The following RAPGEF4 variants were observed in gnomAD, a reference collection of about 807,000 sequenced individuals.
RAPGEF4 encodes RAP guanine-nucleotide-exchange factor (GEF) 4.
RAPGEF4 carries 66 observed loss-of-function variants against 147.9 expected under a neutral mutation model. That is an observed-to-expected ratio of 0.45 (90% CI 0.37 to 0.55). The LOEUF (loss-of-function observed/expected upper bound fraction) is 0.55. Among genes scored for constraint, RAPGEF4 ranks in the 20% least tolerant of loss-of-function variants. The pLI, the probability that RAPGEF4 is intolerant of heterozygous loss-of-function variation, is 0.00. For synonymous variants in RAPGEF4, 419 were observed against 442.7 expected, an observed-to-expected ratio of 0.95 and a Z score of 0.67; for missense variants, 1,071 against 1,257.3, an observed-to-expected ratio of 0.85 and a Z score of 2.24.
intron 15 of RAPGEF4, among the ~76,000 whole-genome samples, chr2:172,992,111 T>C (rs1002268924): frequency 1.3e-5 from 2 of 152,164 alleles, no homozygotes; most frequent in African/African-American, 4.8e-5. Context: ...TAACAAAATA[T>C]AGTAGATAAG....
At chr2:172,986,850 C>T (rs918798435) in intron 12 of RAPGEF4, among the ~76,000 whole-genome samples, 2 of 152,168 alleles carry the variant, frequency 1.3e-5, no homozygotes, top group South Asian at 2.1e-4. Context: ...TGTGCCACCA[C>T]GCCCAGCTAA....
At chr2:173,051,582 T>A in intron 30 of RAPGEF4, 58 bp from the exon 31 acceptor site, 1 of 1,529,828 alleles carries the variant, frequency 6.5e-7, no homozygotes, top group Non-Finnish European at 8.9e-7. Flanking sequence ...AGAAGTAAGA[T>A]TGTATCTTAT....
chr2:172,881,281 A>G (rs1032168451), intron 4 of RAPGEF4, among the ~76,000 whole-genome samples: 2 of 152,110 alleles, frequency 1.3e-5, no homozygotes, highest in Admixed American at 6.6e-5. Flanking sequence ...TGCTCTTGGG[A>G]ATCAGACTAC....
At chr2:172,856,706 G>A (rs970790762) in intron 4 of RAPGEF4, among the ~76,000 whole-genome samples, 3 of 152,106 alleles carry the variant, frequency 2.0e-5, no homozygotes, top group African/African-American at 7.2e-5. Flanking sequence ...ATAGTACTGG[G>A]ATCAGTCAGA....
At chr2:172,881,310 G>A (rs1312090020) in intron 4 of RAPGEF4, among the ~76,000 whole-genome samples, 1 of 152,170 alleles carries the variant, frequency 6.6e-6, no homozygotes, top group Non-Finnish European at 1.5e-5. Context: ...TTATAATTGT[G>A]TAGAAATAAG....
At chr2:172,970,950 G>A (rs1294889575) in intron 10 of RAPGEF4, among the ~76,000 whole-genome samples, 3 of 152,164 alleles carry the variant, frequency 2.0e-5, no homozygotes, top group South Asian at 2.1e-4. Context: ...ACAGTTTGAC[G>A]GTGCTGTTGT....
chr2:172,905,601 A>G (rs1488472042), intron 4 of RAPGEF4, among the ~76,000 whole-genome samples: 7 of 152,202 alleles, frequency 4.6e-5, no homozygotes, highest in Non-Finnish European at 8.8e-5. Flanking sequence ...GCTCGCTTGT[A>G]GTGTCATCCC....
At chr2:172,982,931 T>C (rs1311244437) in intron 10 of RAPGEF4, among the ~76,000 whole-genome samples, 1 of 152,212 alleles carries the variant, frequency 6.6e-6, no homozygotes, top group African/African-American at 2.4e-5. Flanking sequence ...CTTCATCTCA[T>C]GCCCTTATCT....
intron 22 of RAPGEF4, 84 bp from the exon 23 acceptor site, chr2:173,020,534 C>A: frequency 9.4e-7 from 1 of 1,066,966 alleles, no homozygotes; most frequent in Non-Finnish European, 1.5e-6. Context: ...ATTCACCAAG[C>A]TGGCAATTTG....
rs749611619 is a variant in RAPGEF4, at chr2:173,018,680, A to C, written c.2033A>C (p.Asp678Ala). 9 of 1,614,102 alleles carry C rather than the reference A, an allele frequency of 5.6e-6. No individual in the cohort carries two copies. The highest frequency in any genetic ancestry group is 3.3e-5 in the Admixed American group (2 of 60,018). Residue 678 changes from aspartate (D) to alanine (A), a missense_variant, in exon 22 of 31, where the codon GAC (aspartate) becomes GCC (alanine). By Grantham distance (126) the Asp-to-Ala change is moderately radical. Coordinates refer to ENST00000397081, the MANE Select transcript of RAPGEF4 (RefSeq NM_007023.4). ...DEVLFKVYCM[D>A]HTYTTIRVPV... ...GTTCTGTTTAAGGTCTATTGCATGG[A>C]CCACACCTACACAACCATTCGGGTG... is the stretch of plus-strand genomic sequence containing the variant.
At chr2:172,892,408 G>C (rs1256553275) in intron 4 of RAPGEF4, among the ~76,000 whole-genome samples, 3 of 152,146 alleles carry the variant, frequency 2.0e-5, no homozygotes, top group Non-Finnish European at 4.4e-5. Flanking sequence ...AGCTGCCACT[G>C]TGACAGACAG....
Position 173,017,336 on chromosome 2 carries a change from C to A in RAPGEF4, c.1930-90C>A, listed in dbSNP as rs997563886. The A allele has an allele frequency of 5.4e-6, 8 of 1,486,524 alleles. No individual in the cohort carries two copies. In the African/African-American group the frequency reaches 9.7e-5, roughly 18 times the overall value. The allele number at this position is 1,486,524 out of a possible 1,614,324, so 92.1% of individuals were successfully genotyped here. A position where few individuals can be genotyped will look rare whatever the true frequency, so the allele number is the denominator to read the frequency against. On this transcript the variant is annotated intron_variant, in intron 20 of 30. Coordinates refer to ENST00000397081, the MANE Select transcript of RAPGEF4 (RefSeq NM_007023.4). ...GAAATATATTGTCTTCATTTCTTGACTCTGCTTGCTTCTCAGATGTGTCTT... is the reference window on the plus strand; with the variant it reads ...GAAATATATTGTCTTCATTTCTTGAATCTGCTTGCTTCTCAGATGTGTCTT...
intron 4 of RAPGEF4, among the ~76,000 whole-genome samples, chr2:172,868,808 C>T (rs1420672564): frequency 6.6e-6 from 1 of 152,186 alleles, no homozygotes; most frequent in Non-Finnish European, 1.5e-5. Context: ...TATTTGGGCT[C>T]ACAGTTCTGC....
In RAPGEF4 at chr2:172,937,327, G is replaced by A. The variant is rs12616206; in HGVS notation, c.537+15027G>A. 9.6e-3 allele frequency among the ~76,000 whole-genome samples: 1,462 copies of A among 152,076 alleles called. 19 individuals are homozygous for A. The highest frequency in any genetic ancestry group is 0.029 in the Admixed American group (436 of 15,268). On this transcript the variant is annotated intron_variant, in intron 6 of 30. Coordinates refer to ENST00000397081, the MANE Select transcript of RAPGEF4 (RefSeq NM_007023.4). ...CCAGGACACCACCTCACATTCAGTC[G>A]CCATGTCTCCTTAGGCTCCTTTTGG...
intron 6 of RAPGEF4, among the ~76,000 whole-genome samples, chr2:172,956,318 C>G (rs1001022650): frequency 2.6e-5 from 4 of 152,154 alleles, no homozygotes; most frequent in Admixed American, 6.5e-5. Context: ...TGCAACACTT[C>G]CCGCATTAAA....
At chr2:172,800,427 T>C (rs191649174) in intron 3 of RAPGEF4, among the ~76,000 whole-genome samples, 67 of 152,334 alleles carry the variant, frequency 4.4e-4, no homozygotes, top group African/African-American at 1.5e-3. Context: ...AACTGCCATA[T>C]CTACCCATGC....
intron 4 of RAPGEF4, among the ~76,000 whole-genome samples, chr2:172,898,456 T>C (rs146986336): frequency 0.018 from 2,690 of 152,222 alleles, 87 homozygotes; most frequent in South Asian, 0.13. Flanking sequence ...TAATACCTTT[T>C]CTCTGACCCA....
intron 1 of RAPGEF4, among the ~76,000 whole-genome samples, chr2:172,742,534 G>T (rs974977945): frequency 1.3e-5 from 2 of 152,184 alleles, no homozygotes; most frequent in African/African-American, 2.4e-5. Flanking sequence ...CCATAATGAG[G>T]TATATAATGT....
chr2:172,771,259 A>G (rs970301406), intron 1 of RAPGEF4, among the ~76,000 whole-genome samples: 11 of 152,096 alleles, frequency 7.2e-5, no homozygotes, highest in Non-Finnish European at 1.6e-4. Flanking sequence ...GAAGGGGAGA[A>G]CAAGCCCCCT....
Sources: gnomAD v4.1 joint callset for allele counts (sites outside exome capture counted in the v4.1 genomes callset) on GRCh38, gnomAD v4.1.1 for gene constraint, MANE v1.5 for transcripts, NCBI Gene and HGNC (gene_info 2026-07-23, HGNC 2026-07-21) for gene names.